Variants in ELL observed in about 807,000 individuals in gnomAD.
ELL encodes RNA polymerase II elongation factor ELL.
ELL carries 18 observed loss-of-function variants against 64.0 expected under a neutral mutation model. The ratio of observed to expected loss-of-function variants is 0.28; its 90% CI spans 0.19 to 0.42. The LOEUF is 0.42. Ranked by LOEUF, ELL falls within the 10% of genes least tolerant of loss-of-function variation. The probability of loss-of-function intolerance (pLI) is 1.00; values close to 1 mark genes in which losing one functional copy is unlikely to be tolerated. For missense variants in ELL, 797 were observed against 870.4 expected (o/e 0.92, Z 1.06); for synonymous variants, 399 against 376.2 (o/e 1.06, Z -0.70).
At chr19:18,504,852 G>T (rs10410797) in intron 1 of ELL, among the ~76,000 whole-genome samples, 44,462 of 152,044 alleles carry the variant, frequency 0.29, 7,816 homozygotes, top group African/African-American at 0.49. Context: ...CTGTCCAGTG[G>T]ACAGGGCCTG....
intron 1 of ELL, among the ~76,000 whole-genome samples, chr19:18,507,768 G>A (rs1005926275): frequency 3.9e-5 from 6 of 152,172 alleles, no homozygotes; most frequent in African/African-American, 9.7e-5. Flanking sequence ...GTTGTGCCCC[G>A]CCGAACAACC....
At chr19:18,483,377 G>A (rs1181412754) in intron 1 of ELL, among the ~76,000 whole-genome samples, 1 of 152,184 alleles carries the variant, frequency 6.6e-6, no homozygotes, top group Non-Finnish European at 1.5e-5. Flanking sequence ...AGCAGAAAGT[G>A]GCCTGTGTCT....
intron 1 of ELL, among the ~76,000 whole-genome samples, chr19:18,505,607 A>G (rs911194347): frequency 1.3e-5 from 2 of 152,172 alleles, no homozygotes; most frequent in African/African-American, 4.8e-5. Context: ...CTGTGATGGG[A>G]AAGGGCTAAG....
In ELL at chr19:18,521,993, G is replaced by C. The variant is rs1174115073; in HGVS notation, c.63C>G (p.Ser21Arg). 1 of 1,611,274 alleles carries C rather than the reference G, an allele frequency of 6.2e-7. No homozygotes were observed. The highest frequency in any genetic ancestry group is 2.2e-5 in the East Asian group (1 of 44,486). Residue 21 changes from serine (S) to arginine (R), a missense_variant, in exon 1 of 12, where the codon AGC becomes AGG. Physicochemically the swap from Ser to Arg is moderately radical, Grantham distance 110. Coordinates refer to ENST00000262809, the MANE Select transcript of ELL (RefSeq NM_006532.4). Reference protein sequence around the residue: ...GLSCGRVSDGSKVSVFHVKLT... With the variant: ...GLSCGRVSDGRKVSVFHVKLT... ...GCTTCACGTGGAACACCGACACCTT[G>C]CTGCCGTCGCTAACCCGCCCGCACG...
At chr19:18,511,692 C>T (rs1976026791) in intron 1 of ELL, among the ~76,000 whole-genome samples, 1 of 152,172 alleles carries the variant, frequency 6.6e-6, no homozygotes, top group South Asian at 2.1e-4. Flanking sequence ...TCTGACAGTG[C>T]TGTGGGCTTT....
intron 1 of ELL, among the ~76,000 whole-genome samples, chr19:18,473,818 C>A (rs1975116653): frequency 6.6e-6 from 1 of 152,144 alleles, no homozygotes. Context: ...CCTGCACCAC[C>A]TGGCCCCACT....
At chr19:18,461,237 T>C (rs1011180123) in intron 5 of ELL, among the ~76,000 whole-genome samples, 2 of 152,124 alleles carry the variant, frequency 1.3e-5, no homozygotes, top group African/African-American at 4.8e-5. Flanking sequence ...TCCCCAGGCC[T>C]TGAGTCCACA....
chr19:18,513,242 C>T (rs1355108346), intron 1 of ELL, among the ~76,000 whole-genome samples: 1 of 152,206 alleles, frequency 6.6e-6, no homozygotes, highest in African/African-American at 2.4e-5. Flanking sequence ...TGCCTCACCT[C>T]ACCTCATCGC....
chr19:18,448,162 C>T (rs1282805427), intron 8 of ELL: 1 of 151,606 alleles, frequency 6.6e-6, no homozygotes, highest in Non-Finnish European at 1.5e-5. Flanking sequence ...TCTTGAACTC[C>T]TGGACTTAAG....
chr19:18,450,346 T>A, intron 8 of ELL, 131 bp downstream of exon 8: 1 of 1,423,278 alleles, frequency 7.0e-7, no homozygotes, highest in Non-Finnish European at 9.3e-7. Context: ...GCAAATCTGA[T>A]GGGGCCTGGG....
intron 9 of ELL, 122 bp from the exon 10 acceptor site, chr19:18,446,602 G>T: frequency 6.7e-7 from 1 of 1,490,988 alleles, no homozygotes; most frequent in South Asian, 1.2e-5. Flanking sequence ...TTATGAGGGG[G>T]CCTGGCCCAG....
intron 5 of ELL, among the ~76,000 whole-genome samples, chr19:18,460,898 G>A (rs1173477804): frequency 2.0e-5 from 3 of 152,192 alleles, no homozygotes; most frequent in Non-Finnish European, 4.4e-5. Context: ...CTAATGTTCT[G>A]AAGCCAGTGC....
rs563546343 is a variant in ELL, at chr19:18,454,840, C to CAAAAAAAAAAAAAAAAAAA, written c.870-3193_870-3192insTTTTTTTTTTTTTTTTTTT. 1.3e-3 allele frequency among the ~76,000 whole-genome samples: 73 copies of CAAAAAAAAAAAAAAAAAAA among 56,502 alleles called. 2 individuals are homozygous for CAAAAAAAAAAAAAAAAAAA. Among genetic ancestry groups the CAAAAAAAAAAAAAAAAAAA allele is most frequent in the East Asian group, 1.9e-3 (4 of 2,096 alleles). The allele number at this position is 56,502 out of a possible 152,430, so 37.1% of individuals were successfully genotyped here. On this transcript the variant is annotated intron_variant, in intron 6 of 11. Transcript: ENST00000262809. ...TGGGCAACAGAGTGAGACTCAGTCTCAAAAAAAAAAAAAAAAAAGGCATCC... is the reference window on the plus strand; with the variant it reads ...TGGGCAACAGAGTGAGACTCAGTCTCAAAAAAAAAAAAAAAAAAAAAAAAAAAAAAAAAAAAAGGCATCC...
chr19:18,510,341 C>G (rs1183250027), intron 1 of ELL, among the ~76,000 whole-genome samples: 1 of 152,216 alleles, frequency 6.6e-6, no homozygotes, highest in Non-Finnish European at 1.5e-5. Context: ...ACTGCACACT[C>G]CAGCCTGGGT....
At chr19:18,472,705 C>T (rs768400417) in intron 2 of ELL, 130 bp downstream of exon 2, 4 of 1,175,842 alleles carry the variant, frequency 3.4e-6, no homozygotes, top group Non-Finnish European at 4.8e-6. Context: ...GCCTAGAACC[C>T]AGCCTTGCAT....
intron 1 of ELL, among the ~76,000 whole-genome samples, chr19:18,476,602 A>C (rs907858191): frequency 7.9e-5 from 12 of 151,974 alleles, no homozygotes; most frequent in African/African-American, 2.7e-4. Flanking sequence ...CTTATCCCCC[A>C]AGGGTATGGA....
At position 18,442,798 on chromosome 19, in the gene ELL, T is replaced by C. The variant is rs554499415; in HGVS notation, c.*1954A>G. On this transcript the variant is annotated 3_prime_UTR_variant, in exon 12 of 12. Coordinates refer to ENST00000262809, the MANE Select transcript of ELL (RefSeq NM_006532.4). ...ATAGATGCCTTTCAATTGTAACATT[T>C]TGGCAAAAGTGGAAAGTTCTTGTAA... 9.4e-6 allele frequency: 2 copies of C among 212,192 alleles called. No homozygotes were observed. The allele number at this position is 212,192 out of a possible 1,614,324, so 13.1% of individuals were successfully genotyped here. A position where few individuals can be genotyped will look rare whatever the true frequency, so the allele number is the denominator to read the frequency against.
At chr19:18,505,350 G>C (rs1485573919) in intron 1 of ELL, among the ~76,000 whole-genome samples, 2 of 152,216 alleles carry the variant, frequency 1.3e-5, no homozygotes, top group African/African-American at 4.8e-5. Flanking sequence ...TAAGGATGCT[G>C]TGGCCAGTCA....
At chr19:18,502,507 T>TG in intron 1 of ELL, among the ~76,000 whole-genome samples, 1 of 152,348 alleles carries the variant, frequency 6.6e-6, no homozygotes, top group South Asian at 2.1e-4. Flanking sequence ...AGGGAAATCC[T>TG]GCAACCAGCC....
Sources: gnomAD v4.1 joint callset for allele counts (sites outside exome capture counted in the v4.1 genomes callset) on GRCh38, gnomAD v4.1.1 for gene constraint, MANE v1.5 for transcripts, NCBI Gene and HGNC (gene_info 2026-07-23, HGNC 2026-07-21) for gene names.